The following TNRC6A variants were observed in gnomAD, a reference collection of about 807,000 sequenced individuals.
The protein encoded by TNRC6A is trinucleotide repeat containing adaptor 6A.
A neutral mutation model predicts 221.2 loss-of-function variants in TNRC6A; 44 were observed. That is an observed-to-expected ratio of 0.20 (90% CI 0.16 to 0.26). The LOEUF is 0.26. Ranked by LOEUF, TNRC6A falls within the 10% of genes least tolerant of loss-of-function variation. TNRC6A has a pLI of 1.00. For missense variants in TNRC6A, 2,199 were observed against 2,404.4 expected, an observed-to-expected ratio of 0.91 and a Z score of 1.79; for synonymous variants, 847 against 838.5, an observed-to-expected ratio of 1.01 and a Z score of -0.18.
Position 24,771,582 on chromosome 16 carries a change from T to TTGTGATGTTATGTTATGTTATGTTA in TNRC6A, c.164-5348_164-5347insGATGTTATGTTATGTTATGTTATGT, listed in dbSNP as rs1555502170. Among the ~76,000 whole-genome samples, 248 of 95,534 alleles carry TTGTGATGTTATGTTATGTTATGTTA rather than the reference T, an allele frequency of 2.6e-3. 4 individuals are homozygous for TTGTGATGTTATGTTATGTTATGTTA. The highest frequency in any genetic ancestry group is 7.3e-3 in the African/African-American group (167 of 23,012). The allele number at this position is 95,534 out of a possible 152,430, so 62.7% of individuals were successfully genotyped here. On this transcript the variant is annotated intron_variant, in intron 4 of 24. Transcript: ENST00000395799. ...ATGTTTTATGTTATGTTATGTTATG[T>TTGTGATGTTATGTTATGTTATGTTA]TGTTATGTTATGTTATGTTATGTTA...
At chr16:24,669,242 T>C (rs2055238966) in intron 2 of TNRC6A, among the ~76,000 whole-genome samples, 1 of 152,116 alleles carries the variant, frequency 6.6e-6, no homozygotes, top group African/African-American at 2.4e-5. Flanking sequence ...TTCACACTTA[T>C]AATCCCAGCA....
chr16:24,805,455 T>G (rs940257254), intron 14 of TNRC6A, 150 bp from the exon 15 acceptor site: 25 of 1,141,150 alleles, frequency 2.2e-5, no homozygotes, highest in Non-Finnish European at 3.1e-5. Context: ...TGTAAGTGAG[T>G]GGTCAGTTAG....
At chr16:24,747,118 AT>A (rs2057029895) in intron 2 of TNRC6A, among the ~76,000 whole-genome samples, 1 of 152,186 alleles carries the variant, frequency 6.6e-6, no homozygotes, top group Non-Finnish European at 1.5e-5. Flanking sequence ...AGATCGAGAT[AT>A]TGCATTTCCC....
chr16:24,792,908 C>A (rs952047071), intron 6 of TNRC6A, among the ~76,000 whole-genome samples: 1 of 151,712 alleles, frequency 6.6e-6, no homozygotes, highest in Non-Finnish European at 1.5e-5. Context: ...CCTGTCTCAG[C>A]CTCCTGAGTA....
chr16:24,679,492 T>C (rs1221966057), intron 2 of TNRC6A, among the ~76,000 whole-genome samples: 3 of 151,972 alleles, frequency 2.0e-5, no homozygotes, highest in Admixed American at 1.3e-4. Context: ...TTGTTTTTTT[T>C]CAAAGACGGA....
rs773302812 is a variant in TNRC6A at position 24,777,391 on chromosome 16, C to T, written c.589+33C>T. 17 of 1,579,400 alleles carry T rather than the reference C, an allele frequency of 1.1e-5. No homozygotes were observed. In the African/African-American group the frequency reaches 2.2e-4, roughly 20 times the overall value. On this transcript the variant is annotated intron_variant, in intron 5 of 24. Coordinates refer to ENST00000395799, the MANE Select transcript of TNRC6A (RefSeq NM_014494.4). ...AAGGCATTTCTTACGAGACTCACAC[C>T]TTATCATCATTAGCTGTATAGCAAG...
chr16:24,740,498 T>C (rs1191855301), intron 2 of TNRC6A, among the ~76,000 whole-genome samples: 1 of 152,252 alleles, frequency 6.6e-6, no homozygotes, highest in Non-Finnish European at 1.5e-5. Context: ...TGTGTAGTTT[T>C]CAGTGTGTAA....
Position 24,735,017 on chromosome 16 carries a change from C to T in TNRC6A, c.53+4717C>T, listed in dbSNP as rs111227436. 1.1e-4 allele frequency among the ~76,000 whole-genome samples: 16 copies of T among 152,320 alleles called. 1 individual carries two copies. Among genetic ancestry groups the T allele is most frequent in the African/African-American group, 3.4e-4 (14 of 41,556 alleles). On this transcript the variant is annotated intron_variant, in intron 2 of 24. Coordinates refer to ENST00000395799, the MANE Select transcript of TNRC6A (RefSeq NM_014494.4). Reference sequence around the variant, plus strand: ...CTAGGACTGGCCAGGTGCAGTGGCTCACACGGGTAATCCCAGCACTTTGGG... The same window carrying T: ...CTAGGACTGGCCAGGTGCAGTGGCTTACACGGGTAATCCCAGCACTTTGGG...
chr16:24,626,953 G>GTT (rs374063274), intron 1 of TNRC6A, among the ~76,000 whole-genome samples: 12 of 138,968 alleles, frequency 8.6e-5, no homozygotes, highest in African/African-American at 2.1e-4. Flanking sequence ...CGCCCAGCCT[G>GTT]TTTTTTTTTT....
intron 2 of TNRC6A, among the ~76,000 whole-genome samples, chr16:24,666,232 G>GC (rs992442750): frequency 1.3e-5 from 2 of 152,076 alleles, no homozygotes; most frequent in Non-Finnish European, 2.9e-5. Context: ...ACTTTGGGAG[G>GC]CCAAGGCGGG....
At chr16:24,802,460 G>C (rs766160167) in intron 11 of TNRC6A, among the ~76,000 whole-genome samples, 1 of 152,144 alleles carries the variant, frequency 6.6e-6, no homozygotes. Context: ...GAGGTGAGAG[G>C]ATTGCTTGGG....
In TNRC6A at chr16:24,778,405, A is replaced by T; in HGVS notation, c.589+1047A>T. The T allele has an allele frequency of 5.1e-6, 5 of 985,440 alleles. No individual in the cohort carries two copies. The South Asian group carries it at 1.9e-4, about 37-fold the overall frequency. 61.0% of individuals were successfully genotyped at this position (985,440 alleles called of 1,614,324 possible). A position where few individuals can be genotyped will look rare whatever the true frequency, so the allele number is the denominator to read the frequency against. On this transcript the variant is annotated intron_variant, in intron 5 of 24. Transcript: ENST00000395799. ...TGTCTGACTCCAAAGATATGCTTGT[A>T]ACCACCATGCTGTGCTTTGGCAACA...
intron 18 of TNRC6A, among the ~76,000 whole-genome samples, chr16:24,811,652 A>G (rs533080997): frequency 6.6e-6 from 1 of 152,002 alleles, no homozygotes; most frequent in East Asian, 1.9e-4. Context: ...AGATGACATG[A>G]TCAGATTTGC....
At chr16:24,763,990 T>TA (rs940078638) in intron 4 of TNRC6A, among the ~76,000 whole-genome samples, 1 of 152,204 alleles carries the variant, frequency 6.6e-6, no homozygotes, top group Non-Finnish European at 1.5e-5. Context: ...TAGAAGCACC[T>TA]AAAACCTACT....
chr16:24,716,534 T>G (rs889734251), intron 2 of TNRC6A, among the ~76,000 whole-genome samples: 2 of 152,106 alleles, frequency 1.3e-5, no homozygotes, highest in Non-Finnish European at 2.9e-5. Flanking sequence ...CCGAGCGTGA[T>G]GGTGCACGCC....
chr16:24,711,201 T>A (rs1052364188), intron 2 of TNRC6A, among the ~76,000 whole-genome samples: 3 of 151,660 alleles, frequency 2.0e-5, no homozygotes, highest in Non-Finnish European at 4.4e-5. Flanking sequence ...AGAGATAGGG[T>A]TTCACCAGGT....
chr16:24,725,000 G>GT (rs1422230529), upstream of TNRC6A, among the ~76,000 whole-genome samples: 1 of 152,052 alleles, frequency 6.6e-6, no homozygotes, highest in East Asian at 1.9e-4. Context: ...AGAAGTTAGA[G>GT]AACATCTTTG....
chr16:24,808,567 A>G (rs1164044286), intron 17 of TNRC6A, among the ~76,000 whole-genome samples: 1 of 152,242 alleles, frequency 6.6e-6, no homozygotes, highest in African/African-American at 2.4e-5. Context: ...GATCCGATTG[A>G]TGGGTCCAAG....
At position 24,822,970 on chromosome 16, in the gene TNRC6A, A is replaced by C. The variant is rs2058797218; in HGVS notation, c.5470A>C (p.Ser1824Arg). The C allele has an allele frequency of 6.2e-7, 1 of 1,614,120 alleles. No individual in the cohort carries two copies. Among genetic ancestry groups the C allele is most frequent in the East Asian group, 2.2e-5 (1 of 44,900 alleles). The change falls in exon 24 of 25, where the codon AGT becomes CGT. Residue 1824 changes from serine (S) to arginine (R), a missense_variant. Ser to Arg is a moderately radical substitution (Grantham distance 110). Transcript: ENST00000395799. ...TCACGGAAATGCTCTGGTCCGCTAC[A>C]GTTCAAAAGAAGAGGTAGTGAAGGC... ...LPHGNALVRYSSKEEVVKAQK... is the reference protein window; with the variant it reads ...LPHGNALVRYRSKEEVVKAQK...
Sources: allele counts gnomAD v4.1 joint callset (sites outside exome capture counted in the v4.1 genomes callset), GRCh38; gene constraint gnomAD v4.1.1; transcripts MANE v1.5; gene names NCBI Gene and HGNC (gene_info 2026-07-23, HGNC 2026-07-21).